ABCA12: variants seen among roughly 807,000 people sequenced by gnomAD.
ABCA12 encodes the protein ATP binding cassette subfamily A member 12, also known as glucosylceramide transporter ABCA12.
ABCA12 carries 156 observed loss-of-function variants against 293.5 expected under a neutral mutation model. The ratio of observed to expected loss-of-function variants is 0.53; its 90% CI spans 0.47 to 0.61. ABCA12 has a LOEUF of 0.61. Ranked by LOEUF, ABCA12 falls within the 20% of genes least tolerant of loss-of-function variation. ABCA12 has a pLI of 0.00. For missense variants in ABCA12, 2,797 were observed against 3,090.2 expected, an observed-to-expected ratio of 0.91 and a Z score of 2.25; for synonymous variants, 1,063 against 1,108.0, an observed-to-expected ratio of 0.96 and a Z score of 0.81.
chr2:215,098,841 C>A (rs1013104461), intron 2 of ABCA12, among the ~76,000 whole-genome samples: 2 of 152,194 alleles, frequency 1.3e-5, no homozygotes, highest in Non-Finnish European at 1.5e-5. Context: ...AGTGCCTCAA[C>A]GTGCAGGCCC....
chr2:215,070,492 T>G (rs773455467), intron 2 of ABCA12, among the ~76,000 whole-genome samples: 21 of 151,482 alleles, frequency 1.4e-4, no homozygotes, highest in Non-Finnish European at 2.8e-4. Context: ...AACTCGTCAG[T>G]CATTTAGCAT....
Position 215,064,236 on chromosome 2 carries a change from A to C in ABCA12, c.164-17T>G. ...CGAGGTAACCTAAAATTAAAAAAAC[A>C]GTCATTACATCAGTATGGCACATTT... On this transcript the variant is annotated splice_polypyrimidine_tract_variant and intron_variant, in intron 2 of 52. Coordinates refer to ENST00000272895, the MANE Select transcript of ABCA12 (RefSeq NM_173076.3). The C allele has an allele frequency of 6.2e-7, 1 of 1,611,654 alleles. No homozygotes were observed. Among genetic ancestry groups the C allele is most frequent in the Admixed American group, 1.7e-5 (1 of 59,806 alleles).
intron 1 of ABCA12, among the ~76,000 whole-genome samples, chr2:215,124,508 A>G (rs2105911440): frequency 6.6e-6 from 1 of 152,340 alleles, no homozygotes; most frequent in African/African-American, 2.4e-5. Flanking sequence ...TGCAGGAGTG[A>G]AGCGGTATCA....
chr2:215,076,185 A>G (rs1701829603), intron 2 of ABCA12, among the ~76,000 whole-genome samples: 2 of 152,132 alleles, frequency 1.3e-5, no homozygotes. Flanking sequence ...ACCTCTGCCA[A>G]TCGCAAAGAG....
intron 27 of ABCA12, among the ~76,000 whole-genome samples, chr2:214,987,374 A>G (rs1699811157): frequency 6.7e-6 from 1 of 150,176 alleles, no homozygotes; most frequent in Non-Finnish European, 1.5e-5. Context: ...GCCAAGGAAC[A>G]AAATTTTTCT....
In ABCA12 at chr2:214,968,921, A is replaced by C. The variant is rs1040186118; in HGVS notation, c.5691-114T>G. 62 of 811,870 alleles carry C rather than the reference A, an allele frequency of 7.6e-5. No individual in the cohort carries two copies. In the African/African-American group the frequency reaches 9.5e-4, roughly 12 times the overall value. The allele number at this position is 811,870 out of a possible 1,614,324, so 50.3% of individuals were successfully genotyped here. ...TTGTTTCTGTTAGGAACACATTTAC[A>C]GTATAAAATGAATACTTCCTGACAA... On this transcript the variant is annotated intron_variant, in intron 37 of 52. Coordinates refer to ENST00000272895, the MANE Select transcript of ABCA12 (RefSeq NM_173076.3).
Position 214,981,905 on chromosome 2 carries a change from C to A in ABCA12, c.4579+282G>T, listed in dbSNP as rs906231180. On this transcript the variant is annotated intron_variant, in intron 30 of 52. Transcript: ENST00000272895. ...TCTCCAGCCTCAGCCTCCTGACTAG[C>A]TAGGACTACACATGCCAGCCACCAC... Among the ~76,000 whole-genome samples, 5 of 148,466 alleles carry A rather than the reference C, an allele frequency of 3.4e-5. No individual in the cohort carries two copies. In the South Asian group the frequency reaches 1.1e-3, roughly 31 times the overall value.
At chr2:215,081,163 T>C (rs1701928646) in intron 2 of ABCA12, among the ~76,000 whole-genome samples, 1 of 152,098 alleles carries the variant, frequency 6.6e-6, no homozygotes, top group Admixed American at 6.5e-5. Flanking sequence ...CTTTAGCCTG[T>C]TTGCCTTCAC....
chr2:215,079,584 T>C (rs1701897054), intron 2 of ABCA12, among the ~76,000 whole-genome samples: 1 of 152,230 alleles, frequency 6.6e-6, no homozygotes, highest in Admixed American at 6.5e-5. Flanking sequence ...ATGTCATTAA[T>C]GTCTCCCAGT....
chr2:215,057,473 T>C (rs1234786309), intron 3 of ABCA12, among the ~76,000 whole-genome samples: 1 of 152,070 alleles, frequency 6.6e-6, no homozygotes, highest in Admixed American at 6.6e-5. Flanking sequence ...GGATACCAAA[T>C]GGATGTATCC....
chr2:215,092,239 A>G lies in ABCA12; in HGVS notation c.163+19358T>C, dbSNP rs529879395. Among the ~76,000 whole-genome samples the G allele has an allele frequency of 1.8e-4, 28 of 152,202 alleles. 1 individual carries two copies. The South Asian group carries it at 5.2e-3, about 28-fold the overall frequency. ...GCCTCCATAACTGTTGTGGGTATTG[A>G]TGGCCAGGCTGCTAGACCCCTTAAA... On this transcript the variant is annotated intron_variant, in intron 2 of 52. Coordinates refer to ENST00000272895, the MANE Select transcript of ABCA12 (RefSeq NM_173076.3).
chr2:215,083,601 T>C (rs568413179), intron 2 of ABCA12, among the ~76,000 whole-genome samples: 1 of 152,352 alleles, frequency 6.6e-6, no homozygotes, highest in South Asian at 2.1e-4. Flanking sequence ...TTTGGATGAA[T>C]GTAAGACGGA....
At chr2:215,047,636 A>G (rs1220164469) in intron 6 of ABCA12, among the ~76,000 whole-genome samples, 1 of 152,106 alleles carries the variant, frequency 6.6e-6, no homozygotes, top group African/African-American at 2.4e-5. Context: ...ATTAAAAAAT[A>G]TACACCTTGC....
intron 11 of ABCA12, chr2:215,020,893 A>G (rs1213367780): frequency 7.5e-6 from 1 of 133,516 alleles, no homozygotes; most frequent in Non-Finnish European, 1.6e-5. Context: ...TGTGGAAACA[A>G]TGGAGTACAT....
intron 15 of ABCA12, among the ~76,000 whole-genome samples, chr2:215,014,233 G>T (rs772281768): frequency 6.6e-6 from 1 of 151,938 alleles, no homozygotes; most frequent in African/African-American, 2.4e-5. Flanking sequence ...ATAGTTGGCT[G>T]GAAGCAAAAC....
chr2:215,002,213 T>TA (rs2105990503), intron 20 of ABCA12, among the ~76,000 whole-genome samples: 1 of 152,338 alleles, frequency 6.6e-6, no homozygotes, highest in South Asian at 2.1e-4. Context: ...TAAGCTGTGA[T>TA]ATAGAAACAC....
At chr2:215,053,501 T>C (rs541685338) in intron 4 of ABCA12, among the ~76,000 whole-genome samples, 6 of 152,230 alleles carry the variant, frequency 3.9e-5, no homozygotes, top group South Asian at 2.1e-4. Flanking sequence ...CAAAGCTTAC[T>C]GGACCATAAC....
intron 1 of ABCA12, among the ~76,000 whole-genome samples, chr2:215,128,229 A>G (rs182788824): frequency 6.6e-6 from 1 of 151,828 alleles, no homozygotes; most frequent in East Asian, 1.9e-4. Flanking sequence ...AGCTCTTAAG[A>G]CTCTTTCCTT....
At chr2:215,024,324 G>T (rs577280604) in intron 11 of ABCA12, among the ~76,000 whole-genome samples, 1 of 152,138 alleles carries the variant, frequency 6.6e-6, no homozygotes, top group Non-Finnish European at 1.5e-5. Flanking sequence ...TTTGGGGTAA[G>T]AGGCTATGTC....
Sources: allele counts gnomAD v4.1 joint callset (sites outside exome capture counted in the v4.1 genomes callset), GRCh38; gene constraint gnomAD v4.1.1; transcripts MANE v1.5; gene names NCBI Gene and HGNC (gene_info 2026-07-23, HGNC 2026-07-21).